RBP7: variants seen among roughly 807,000 people sequenced by gnomAD.
The protein encoded by RBP7 is retinoid-binding protein 7.
Under a neutral mutation model 16.7 loss-of-function variants are expected in RBP7, and 13 were observed. That is an observed-to-expected ratio of 0.78 (90% CI 0.51 to 1.24). The LOEUF (loss-of-function observed/expected upper bound fraction) is 1.24. RBP7 is among the 50% of genes most tolerant of loss of function. The pLI is 0.00. For synonymous variants in RBP7, 54 were observed against 56.2 expected, an observed-to-expected ratio of 0.96 and a Z score of 0.17; for missense variants, 145 against 159.5, an observed-to-expected ratio of 0.91 and a Z score of 0.49.
At chr1:10,012,392 A>C (rs1570735445) in intron 3 of RBP7, among the ~76,000 whole-genome samples, 1 of 149,134 alleles carries the variant, frequency 6.7e-6, no homozygotes, top group East Asian at 2.0e-4. Context: ...AAAAAAAAAA[A>C]CAAAGTAAGA....
At chr1:10,006,854 C>T in intron 1 of RBP7, 1 of 352,256 alleles carries the variant, frequency 2.8e-6, no homozygotes, top group South Asian at 2.1e-5. Flanking sequence ...CAAATGCTCT[C>T]TTAATTCAAA....
At chr1:10,010,499 C>T (rs1239156887) in intron 3 of RBP7, among the ~76,000 whole-genome samples, 3 of 152,110 alleles carry the variant, frequency 2.0e-5, no homozygotes, top group African/African-American at 4.8e-5. Context: ...CCCCTGCAAC[C>T]TCCACCTCCT....
intron 2 of RBP7, 90 bp downstream of exon 2, chr1:10,007,838 G>C: frequency 8.3e-7 from 1 of 1,211,340 alleles, no homozygotes; most frequent in Non-Finnish European, 1.2e-6. Flanking sequence ...CCTGAGGTCA[G>C]TAGTTTGAGA....
chr1:10,004,951 C>T (rs1321094911), intron 1 of RBP7, among the ~76,000 whole-genome samples: 1 of 152,074 alleles, frequency 6.6e-6, no homozygotes, highest in East Asian at 1.9e-4. Flanking sequence ...CGAGATTGCA[C>T]CACTGCAGTC....
At chr1:10,006,369 G>A (rs1283964639) in intron 1 of RBP7, among the ~76,000 whole-genome samples, 2 of 151,990 alleles carry the variant, frequency 1.3e-5, no homozygotes, top group African/African-American at 4.8e-5. Flanking sequence ...ACATTTCCAG[G>A]CATGGTGGCA....
At chr1:10,013,094 A>G (rs1321293221) in intron 3 of RBP7, among the ~76,000 whole-genome samples, 1 of 141,678 alleles carries the variant, frequency 7.1e-6, no homozygotes, top group Admixed American at 7.0e-5. Flanking sequence ...TTTTTTTCAG[A>G]CAGAGTCTCA....
chr1:10,000,658 C>T (rs1253153246), intron 1 of RBP7, among the ~76,000 whole-genome samples: 1 of 152,118 alleles, frequency 6.6e-6, no homozygotes, highest in Non-Finnish European at 1.5e-5. Flanking sequence ...AAGGAAAATA[C>T]ATTCCATAAA....
intron 1 of RBP7, among the ~76,000 whole-genome samples, chr1:10,003,013 T>C (rs1281014907): frequency 6.6e-6 from 1 of 152,092 alleles, no homozygotes; most frequent in Non-Finnish European, 1.5e-5. Flanking sequence ...ATAAAACACA[T>C]AAAACAGTGT....
chr1:10,008,303 A>G (rs1642504652), intron 3 of RBP7, 29 bp downstream of exon 3: 3 of 1,410,404 alleles, frequency 2.1e-6, no homozygotes, highest in East Asian at 2.3e-5. Flanking sequence ...TCTTAATGAG[A>G]TGATACAGTA....
intron 1 of RBP7, among the ~76,000 whole-genome samples, chr1:10,005,568 GT>G (rs891785466): frequency 8.9e-4 from 128 of 143,502 alleles, no homozygotes; most frequent in Non-Finnish European, 1.4e-3. Context: ...TGTTGTTTGG[GT>G]TTTTTTTTTT....
chr1:9,999,077 G>A (rs1321403822), intron 1 of RBP7, among the ~76,000 whole-genome samples: 3 of 152,078 alleles, frequency 2.0e-5, no homozygotes, highest in African/African-American at 7.2e-5. Flanking sequence ...ACACTGTTCT[G>A]GTGGTAGTGA....
chr1:10,010,630 G>A (rs1459024347), intron 3 of RBP7, among the ~76,000 whole-genome samples: 1 of 150,046 alleles, frequency 6.7e-6, no homozygotes, highest in Non-Finnish European at 1.5e-5. Flanking sequence ...TGTTGCCCAG[G>A]CTAGAGTACA....
chr1:10,013,924 C>T (rs1300307258), intron 3 of RBP7, among the ~76,000 whole-genome samples: 1 of 151,984 alleles, frequency 6.6e-6, no homozygotes, highest in African/African-American at 2.4e-5. Context: ...TAAGGTGAGC[C>T]ATGACTGCAC....
At chr1:10,014,384 TTTTTTC>T (rs1345427589) in intron 3 of RBP7, among the ~76,000 whole-genome samples, 5 of 150,912 alleles carry the variant, frequency 3.3e-5, no homozygotes, top group African/African-American at 1.2e-4. Flanking sequence ...CTTTTCTTTC[TTTTTTC>T]TTTTTTTTTT....
chr1:10,014,471 C>T (rs903336885), intron 3 of RBP7, among the ~76,000 whole-genome samples: 5 of 151,436 alleles, frequency 3.3e-5, no homozygotes, highest in Non-Finnish European at 5.9e-5. Context: ...CTGCAACCTC[C>T]GCCTCTTGGG....
chr1:10,011,498 T>TA (rs1263112426), intron 3 of RBP7, among the ~76,000 whole-genome samples: 1 of 152,220 alleles, frequency 6.6e-6, no homozygotes, highest in African/African-American at 2.4e-5. Context: ...AGACTCAAAA[T>TA]AATTTAAAGT....
At chr1:10,011,857 G>GTT (rs1205655889) in intron 3 of RBP7, among the ~76,000 whole-genome samples, 1 of 152,104 alleles carries the variant, frequency 6.6e-6, no homozygotes, top group Non-Finnish European at 1.5e-5. Context: ...AGGAGTTCGA[G>GTT]ACCAGCCTGG....
chr1:10,008,831 T>C (rs1356730093), intron 3 of RBP7, among the ~76,000 whole-genome samples: 1 of 152,134 alleles, frequency 6.6e-6, no homozygotes, highest in Non-Finnish European at 1.5e-5. Flanking sequence ...CAGCCGAATA[T>C]TCCGACAGAG....
At chr1:10,007,264 T>A (rs1642473541) in intron 1 of RBP7, 3 of 298,516 alleles carry the variant, frequency 1.0e-5, no homozygotes, top group Non-Finnish European at 1.3e-5. Flanking sequence ...TTTATTTTTT[T>A]ATAGAGACAG....
Sources: gnomAD v4.1 joint callset for allele counts (sites outside exome capture counted in the v4.1 genomes callset) on GRCh38, gnomAD v4.1.1 for gene constraint, MANE v1.5 for transcripts, NCBI Gene and HGNC (gene_info 2026-07-23, HGNC 2026-07-21) for gene names.